Variants in OSBPL1A observed in about 807,000 individuals in gnomAD.
OSBPL1A encodes the protein oxysterol-binding protein-related protein 1.
OSBPL1A carries 80 observed loss-of-function variants against 137.1 expected under a neutral mutation model. That is an observed-to-expected ratio of 0.58 (90% CI 0.49 to 0.70). The LOEUF is 0.70. Among genes scored for constraint, OSBPL1A ranks in the 30% least tolerant of loss-of-function variants. OSBPL1A has a pLI of 0.00. For missense variants in OSBPL1A, 970 were observed against 1,129.4 expected (o/e 0.86, Z 2.02); for synonymous variants, 365 against 389.7 (o/e 0.94, Z 0.75).
intron 3 of OSBPL1A, among the ~76,000 whole-genome samples, chr18:24,367,228 T>TTATATATATATATATATATATATA (rs35876308): frequency 4.8e-5 from 7 of 147,162 alleles, no homozygotes; most frequent in African/African-American, 1.5e-4. Flanking sequence ...AGACTCCATC[T>TTATATATATATATATATATATATA]TATATATATA....
chr18:24,309,967 A>C (rs1341719178), intron 13 of OSBPL1A, among the ~76,000 whole-genome samples: 1 of 151,094 alleles, frequency 6.6e-6, no homozygotes, highest in African/African-American at 2.4e-5. Flanking sequence ...AGATCGCTTG[A>C]ACCCGGGAGG....
At chr18:24,177,628 G>A (rs922668644) in intron 21 of OSBPL1A, among the ~76,000 whole-genome samples, 3 of 152,128 alleles carry the variant, frequency 2.0e-5, no homozygotes, top group African/African-American at 7.2e-5. Context: ...TTTATCTAAC[G>A]CCTAACATGT....
chr18:24,195,929 T>C (rs903408079), intron 18 of OSBPL1A, 196 bp downstream of exon 18: 1 of 522,146 alleles, frequency 1.9e-6, no homozygotes, highest in Non-Finnish European at 3.4e-6. Context: ...ACATCAAAAA[T>C]GCACACTAAA....
intron 17 of OSBPL1A, among the ~76,000 whole-genome samples, chr18:24,197,786 C>CTTTTTTTTT (rs1043369707): frequency 3.3e-5 from 4 of 122,810 alleles, no homozygotes; most frequent in South Asian, 2.6e-4. Context: ...CTTTTCTTTT[C>CTTTTTTTTT]TTTTTTTTTT....
intron 7 of OSBPL1A, among the ~76,000 whole-genome samples, chr18:24,328,727 C>T (rs112090541): frequency 4.6e-5 from 7 of 152,250 alleles, no homozygotes; most frequent in South Asian, 2.1e-4. Context: ...TAATCACATA[C>T]GGCTACACAG....
chr18:24,179,610 T>C (rs2086544769), intron 20 of OSBPL1A, 128 bp downstream of exon 20: 2 of 738,802 alleles, frequency 2.7e-6, no homozygotes, highest in Middle Eastern at 2.4e-4. Flanking sequence ...ATAGCTATCC[T>C]AGAAACAAAC....
At chr18:24,210,711 C>T (rs1331319250) in intron 17 of OSBPL1A, among the ~76,000 whole-genome samples, 10 of 151,552 alleles carry the variant, frequency 6.6e-5, no homozygotes, top group Non-Finnish European at 1.2e-4. Flanking sequence ...TTTTTTCTTT[C>T]TTTTTTTAGC....
In OSBPL1A at chr18:24,295,717, T is replaced by A. The variant is rs572669287; in HGVS notation, c.1174+7920A>T. Among the ~76,000 whole-genome samples the A allele has an allele frequency of 2.0e-5, 3 of 152,298 alleles. No individual in the cohort carries two copies. The South Asian group carries it at 6.2e-4, about 32-fold the overall frequency. On this transcript the variant is annotated intron_variant, in intron 14 of 27. Transcript: ENST00000319481. ...TGAATAGGCTGTCCTTTCCCCAATTTATGTTTTTTTCAAATATATAAATTG... is the reference window on the plus strand; with the variant it reads ...TGAATAGGCTGTCCTTTCCCCAATTAATGTTTTTTTCAAATATATAAATTG...
chr18:24,360,373 G>A (rs1031208011), intron 4 of OSBPL1A, among the ~76,000 whole-genome samples: 47 of 152,180 alleles, frequency 3.1e-4, no homozygotes, highest in Non-Finnish European at 2.8e-4. Context: ...TGAATCACAG[G>A]ATCATAAGAT....
At chr18:24,185,326 T>C (rs1026935822) in intron 18 of OSBPL1A, among the ~76,000 whole-genome samples, 3 of 146,968 alleles carry the variant, frequency 2.0e-5, no homozygotes, top group Non-Finnish European at 2.9e-5. Context: ...CAATTCTTTT[T>C]TCTTTTTTTT....
intron 15 of OSBPL1A, among the ~76,000 whole-genome samples, chr18:24,273,442 G>A (rs977419555): frequency 2.0e-5 from 3 of 152,212 alleles, no homozygotes; most frequent in African/African-American, 7.2e-5. Context: ...GCTCCTAAAT[G>A]TGCCAGGTAC....
chr18:24,219,777 C>T (rs1029716952), intron 17 of OSBPL1A, among the ~76,000 whole-genome samples: 2 of 152,174 alleles, frequency 1.3e-5, no homozygotes, highest in Non-Finnish European at 2.9e-5. Flanking sequence ...AGGAAAGATG[C>T]CTCACAGTTT....
At chr18:24,364,613 T>A (rs932907075) in intron 4 of OSBPL1A, among the ~76,000 whole-genome samples, 58 of 151,558 alleles carry the variant, frequency 3.8e-4, no homozygotes, top group African/African-American at 1.1e-3. Context: ...AATTTTTTTT[T>A]AATTTTTTTT....
chr18:24,371,554 A>G (rs1905639236), intron 2 of OSBPL1A, among the ~76,000 whole-genome samples: 2 of 151,866 alleles, frequency 1.3e-5, no homozygotes, highest in Admixed American at 6.6e-5. Context: ...CCTGTCTTCA[A>G]CCTCTCCCCC....
At chr18:24,269,429 AATTT>A (rs761691566) in intron 15 of OSBPL1A, among the ~76,000 whole-genome samples, 1 of 152,174 alleles carries the variant, frequency 6.6e-6, no homozygotes, top group African/African-American at 2.4e-5. Context: ...CTTCTGTAAG[AATTT>A]ATTTAGTCAC....
At chr18:24,274,514 G>C (rs1190461132) in intron 15 of OSBPL1A, among the ~76,000 whole-genome samples, 1 of 152,118 alleles carries the variant, frequency 6.6e-6, no homozygotes, top group South Asian at 2.1e-4. Flanking sequence ...TAAAAGAATG[G>C]GTGACATCAT....
chr18:24,358,336 C>T (rs2091570162), intron 4 of OSBPL1A: 1 of 623,778 alleles, frequency 1.6e-6, no homozygotes, highest in Non-Finnish European at 2.9e-6. Flanking sequence ...GCATCATCTC[C>T]TCTGCAAAGC....
intron 16 of OSBPL1A, among the ~76,000 whole-genome samples, chr18:24,229,639 G>C (rs1348553335): frequency 1.3e-5 from 2 of 152,190 alleles, no homozygotes; most frequent in African/African-American, 4.8e-5. Context: ...AGCCACTGTG[G>C]AGGTTGCTGA....
At position 24,317,192 on chromosome 18, in the gene OSBPL1A, A is replaced by G. The variant is rs2090752505; in HGVS notation, c.827T>C (p.Ile276Thr). 1.9e-6 allele frequency: 3 copies of G among 1,613,896 alleles called. No homozygotes were observed. The highest frequency in any genetic ancestry group is 2.5e-6 in the Non-Finnish European group (3 of 1,179,976). The change falls in exon 11 of 28, where the codon ATT (isoleucine) becomes ACT (threonine). Residue 276 changes from isoleucine (I) to threonine (T), a missense_variant. Ile to Thr is a moderately conservative substitution (Grantham distance 89, BLOSUM62 -1). This residue lies in a region of OSBPL1A where 647 missense variants were observed against 672.6 expected (regional missense o/e 0.96). Transcript: ENST00000319481. ...CAGGTGTTTGCATCCCTGGCGATAA[A>G]TATTATGAACTGCATCAGGCCTTCA... The part of the protein sequence containing the change: ...YRKQPDAVHN[I>T]YRQGCKHLTQ...
Sources: gnomAD v4.1 joint callset for allele counts (sites outside exome capture counted in the v4.1 genomes callset) on GRCh38, gnomAD v4.1.1 for gene constraint, gnomAD v4.1.1 regional missense constraint, MANE v1.5 for transcripts, NCBI Gene and HGNC (gene_info 2026-07-23, HGNC 2026-07-21) for gene names.